PCDH15: variants seen among roughly 807,000 people sequenced by gnomAD.
PCDH15 encodes protocadherin related 15.
In PCDH15, 129 loss-of-function variants were observed where a neutral mutation model predicts 178.5. The observed-to-expected ratio is 0.72, with a 90% CI of 0.63 to 0.84. PCDH15 has a LOEUF of 0.84. Ranked by LOEUF, PCDH15 falls within the 40% of genes least tolerant of loss-of-function variation. The pLI, the probability that PCDH15 is intolerant of heterozygous loss-of-function variation, is 0.00. For synonymous variants in PCDH15, 800 were observed against 732.0 expected (o/e 1.09, Z -1.50); for missense variants, 2,230 against 2,099.9 (o/e 1.06, Z -1.21).
At chr10:54,538,238 C>G (rs939033822) in intron 2 of PCDH15, among the ~76,000 whole-genome samples, 5 of 152,094 alleles carry the variant, frequency 3.3e-5, no homozygotes, top group Non-Finnish European at 7.4e-5. Flanking sequence ...AAGATTCTTA[C>G]AGCTTGAGGT....
intron 2 of PCDH15, among the ~76,000 whole-genome samples, chr10:55,140,595 A>T (rs6481143): frequency 0.9 from 136,931 of 151,924 alleles, 62,393 homozygotes; most frequent in Non-Finnish European, 0.97. Context: ...ACTGTCTTGA[A>T]CAGGTTTTGA....
intron 2 of PCDH15, among the ~76,000 whole-genome samples, chr10:55,075,365 A>G (rs1564774780): frequency 9.4e-6 from 1 of 106,758 alleles, no homozygotes; most frequent in Non-Finnish European, 1.8e-5. Context: ...ATTTTGTTTA[A>G]ATTTTTTTTT....
intron 33 of PCDH15, chr10:53,818,360 C>T (rs1270283658): frequency 5.8e-6 from 1 of 171,248 alleles, no homozygotes; most frequent in East Asian, 1.5e-4. Context: ...CTGTTATACA[C>T]AAGTCTTGAT....
chr10:54,809,999 TCA>T (rs1448523225), intron 3 of PCDH15, among the ~76,000 whole-genome samples: 2 of 152,164 alleles, frequency 1.3e-5, no homozygotes, highest in Non-Finnish European at 2.9e-5. Flanking sequence ...GATGCTTCTC[TCA>T]GTTTCAATTT....
intron 3 of PCDH15, among the ~76,000 whole-genome samples, chr10:54,818,757 A>G (rs1187639287): frequency 6.6e-6 from 1 of 152,070 alleles, no homozygotes; most frequent in East Asian, 1.9e-4. Flanking sequence ...GGAATTAGAG[A>G]CCCTATGAAA....
chr10:55,104,842 C>A (rs145368430), intron 2 of PCDH15, among the ~76,000 whole-genome samples: 3 of 152,166 alleles, frequency 2.0e-5, no homozygotes, highest in African/African-American at 7.2e-5. Context: ...CTGCACTAAA[C>A]ATGATGAACA....
chr10:55,434,441 C>T (rs920663398), intron 2 of PCDH15, among the ~76,000 whole-genome samples: 1 of 151,788 alleles, frequency 6.6e-6, no homozygotes, highest in African/African-American at 2.4e-5. Flanking sequence ...TCATAATTTC[C>T]CAATTATTAT....
At chr10:54,451,622 A>G (rs2076485339) in intron 3 of PCDH15, among the ~76,000 whole-genome samples, 1 of 151,912 alleles carries the variant, frequency 6.6e-6, no homozygotes, top group South Asian at 2.1e-4. Flanking sequence ...GTTTTTACAC[A>G]TGTAAATCTA....
intron 2 of PCDH15, among the ~76,000 whole-genome samples, chr10:54,549,548 G>A (rs958815933): frequency 1.4e-4 from 22 of 151,734 alleles, no homozygotes; most frequent in African/African-American, 3.6e-4. Flanking sequence ...AAAATTTATC[G>A]AAACCTTCTT....
intron 2 of PCDH15, among the ~76,000 whole-genome samples, chr10:54,658,873 C>G (rs1331074922): frequency 6.6e-6 from 1 of 152,120 alleles, no homozygotes; most frequent in Non-Finnish European, 1.5e-5. Flanking sequence ...CAAGACCCTA[C>G]CATTTGCTGC....
intron 25 of PCDH15, among the ~76,000 whole-genome samples, chr10:53,923,497 T>G (rs2084190917): frequency 6.6e-6 from 1 of 152,248 alleles, no homozygotes; most frequent in African/African-American, 2.4e-5. Context: ...ATGTGTACAT[T>G]AAATTGAAAT....
intron 2 of PCDH15, among the ~76,000 whole-genome samples, chr10:55,393,820 G>C (rs1369350088): frequency 6.6e-6 from 1 of 152,060 alleles, no homozygotes; most frequent in East Asian, 1.9e-4. Flanking sequence ...CATAGAAGCT[G>C]TGCACAAATG....
chr10:54,616,218 G>C (rs1361204301), intron 2 of PCDH15, among the ~76,000 whole-genome samples: 2 of 152,042 alleles, frequency 1.3e-5, no homozygotes, highest in African/African-American at 4.8e-5. Context: ...CTGAACTCAA[G>C]GACTTATAAA....
rs76103632 is a variant in PCDH15, at chr10:55,318,962, G to A, written c.-156+637C>T. Among the ~76,000 whole-genome samples, 844 of 152,134 alleles carry A rather than the reference G, an allele frequency of 5.5e-3. 10 individuals carry two copies. The highest frequency in any genetic ancestry group is 0.019 in the African/African-American group (805 of 41,508). ...AGTGCCTTCTCACCTTTAGTGTGGT[G>A]TAAAAATTTTTAAGGTGAGAATCTT... On this transcript the variant is annotated intron_variant, in intron 1 of 5. Coordinates refer to the PCDH15 transcript ENST00000458638.
intron 2 of PCDH15, among the ~76,000 whole-genome samples, chr10:55,121,924 G>C (rs1303162741): frequency 6.6e-6 from 1 of 152,144 alleles, no homozygotes; most frequent in Non-Finnish European, 1.5e-5. Flanking sequence ...AATGGCTGCT[G>C]TCTATGAATT....
chr10:55,241,905 T>C (rs1319845238), intron 1 of PCDH15, among the ~76,000 whole-genome samples: 2 of 152,224 alleles, frequency 1.3e-5, no homozygotes, highest in Admixed American at 6.5e-5. Flanking sequence ...TTAGAACTTA[T>C]CACAAATAGA....
chr10:54,622,576 TATATATA>T (rs1255019259), intron 2 of PCDH15, among the ~76,000 whole-genome samples: 1,157 of 102,532 alleles, frequency 0.011, 33 homozygotes, highest in African/African-American at 0.042. Context: ...TGTGTATATA[TATATATA>T]ATATATATAA....
intron 1 of PCDH15, among the ~76,000 whole-genome samples, chr10:54,743,092 A>G (rs1321390521): frequency 6.6e-6 from 1 of 152,074 alleles, no homozygotes; most frequent in Non-Finnish European, 1.5e-5. Context: ...AACCAGCAGA[A>G]AAGTAGATAA....
chr10:55,085,643 CA>C (rs1842149906), intron 2 of PCDH15, among the ~76,000 whole-genome samples: 1 of 150,456 alleles, frequency 6.6e-6, no homozygotes, highest in East Asian at 2.0e-4. Context: ...ATAAATTAAA[CA>C]AAAAAATTAT....
Sources: gnomAD v4.1 joint callset for allele counts (sites outside exome capture counted in the v4.1 genomes callset) on GRCh38, gnomAD v4.1.1 for gene constraint, MANE v1.5 for transcripts, NCBI Gene and HGNC (gene_info 2026-07-23, HGNC 2026-07-21) for gene names.